PTPRG: variants seen among roughly 807,000 people sequenced by gnomAD.
PTPRG encodes receptor-type tyrosine-protein phosphatase gamma.
PTPRG carries 102 observed loss-of-function variants against 165.3 expected under a neutral mutation model. The ratio of observed to expected loss-of-function variants is 0.62; its 90% CI spans 0.53 to 0.73. The LOEUF is 0.73. PTPRG is among the 30% of genes least tolerant of loss of function. The pLI is 0.00. For synonymous variants in PTPRG, 675 were observed against 669.5 expected (o/e 1.01, Z -0.13); for missense variants, 1,866 against 1,861.4 (o/e 1.00, Z -0.05).
At chr3:62,095,015 T>G (rs1195551213) in intron 5 of PTPRG, among the ~76,000 whole-genome samples, 1 of 152,232 alleles carries the variant, frequency 6.6e-6, no homozygotes, top group African/African-American at 2.4e-5. Context: ...CATCATAATC[T>G]TCTCTCTGGC....
At chr3:61,917,884 A>G (rs2038981194) in intron 2 of PTPRG, among the ~76,000 whole-genome samples, 2 of 152,210 alleles carry the variant, frequency 1.3e-5, no homozygotes, top group African/African-American at 2.4e-5. Flanking sequence ...GTGAGCCGAG[A>G]TCACGCCGCT....
At chr3:61,691,311 A>G (rs1224112945) in intron 1 of PTPRG, among the ~76,000 whole-genome samples, 2 of 152,138 alleles carry the variant, frequency 1.3e-5, no homozygotes, top group Non-Finnish European at 2.9e-5. Flanking sequence ...GGAGGCTGAT[A>G]CAAGAGGATC....
At chr3:61,945,681 A>G (rs1451241144) in intron 2 of PTPRG, among the ~76,000 whole-genome samples, 1 of 152,180 alleles carries the variant, frequency 6.6e-6, no homozygotes. Flanking sequence ...GGGAGAGTAT[A>G]ATAGCAGGCT....
intron 14 of PTPRG, 105 bp downstream of exon 14, chr3:62,231,416 G>A: frequency 1.3e-6 from 1 of 769,246 alleles, no homozygotes; most frequent in Non-Finnish European, 1.9e-6. Flanking sequence ...AGATGGCACA[G>A]TGCTGAAACT....
At chr3:62,111,224 A>C (rs936118913) in intron 5 of PTPRG, among the ~76,000 whole-genome samples, 6 of 152,216 alleles carry the variant, frequency 3.9e-5, no homozygotes, top group Non-Finnish European at 8.8e-5. Flanking sequence ...ATCAACAGGC[A>C]GTGCCTGCGG....
intron 4 of PTPRG, among the ~76,000 whole-genome samples, chr3:62,047,853 G>A (rs1018100563): frequency 2.0e-5 from 3 of 151,970 alleles, no homozygotes; most frequent in Non-Finnish European, 2.9e-5. Flanking sequence ...CCCTCCCCCA[G>A]CCTTTTAAAA....
intron 4 of PTPRG, among the ~76,000 whole-genome samples, chr3:62,014,808 A>G (rs2041501826): frequency 6.6e-6 from 1 of 152,240 alleles, no homozygotes; most frequent in African/African-American, 2.4e-5. Flanking sequence ...ATACCTAAGC[A>G]TATATAGTCA....
chr3:61,860,308 C>G (rs1398686069), intron 2 of PTPRG, among the ~76,000 whole-genome samples: 1 of 152,070 alleles, frequency 6.6e-6, no homozygotes, highest in African/African-American at 2.4e-5. Flanking sequence ...GTCCTTTCAC[C>G]TATCACAGAC....
In PTPRG at chr3:62,243,744, AAAG is replaced by A. The variant is rs1371042498; in HGVS notation, c.2376-58_2376-56del. The A allele has an allele frequency of 4.8e-5, 51 of 1,054,766 alleles. No homozygotes were observed. The Middle Eastern group carries it at 6.3e-4, about 13-fold the overall frequency. The allele number at this position is 1,054,766 out of a possible 1,614,324, so 65.3% of individuals were successfully genotyped here. On this transcript the variant is annotated intron_variant, in intron 14 of 29. Transcript: ENST00000474889. ...GGGAAGATCTATAAAATAAGAATTA[AAAG>A]AAGATGAACTCAAATAAAGTATATT...
At position 62,214,210 on chromosome 3, in the gene PTPRG, G is replaced by A. The variant is rs892518267; in HGVS notation, c.2156-4641G>A. Among the ~76,000 whole-genome samples, 1 of 152,312 alleles carries A rather than the reference G, an allele frequency of 6.6e-6. No homozygotes were observed. Among genetic ancestry groups the A allele is most frequent in the African/African-American group, 2.4e-5 (1 of 41,580 alleles). Reference sequence around the variant, plus strand: ...ATGTTACAGAGAGGAGTCAGATTCAGCAAACACCCGGTGAGTGCTCACCAT... The same window carrying A: ...ATGTTACAGAGAGGAGTCAGATTCAACAAACACCCGGTGAGTGCTCACCAT... On this transcript the variant is annotated intron_variant, in intron 12 of 29. Coordinates refer to ENST00000474889, the MANE Select transcript of PTPRG (RefSeq NM_002841.4). The surrounding 1 kb of genome is among the most constrained non-coding windows in gnomAD (Gnocchi z 5.2).
intron 14 of PTPRG, among the ~76,000 whole-genome samples, chr3:62,238,424 C>G (rs1180883641): frequency 6.6e-6 from 1 of 151,990 alleles, no homozygotes; most frequent in Non-Finnish European, 1.5e-5. Flanking sequence ...TTCAGGATGT[C>G]GGAACATCAT....
intron 1 of PTPRG, among the ~76,000 whole-genome samples, chr3:61,620,629 T>TC (rs900848770): frequency 4.0e-4 from 60 of 151,340 alleles, no homozygotes; most frequent in Non-Finnish European, 7.2e-4. Context: ...AACAGTTACT[T>TC]TTTTTTTTCT....
At chr3:61,971,069 T>C (rs975203125) in intron 2 of PTPRG, among the ~76,000 whole-genome samples, 3 of 152,218 alleles carry the variant, frequency 2.0e-5, no homozygotes, top group Admixed American at 1.3e-4. Context: ...ATGTCTTTTT[T>C]TCTGAAACGG....
chr3:62,046,006 G>A (rs1422190598), intron 4 of PTPRG, among the ~76,000 whole-genome samples: 1 of 152,138 alleles, frequency 6.6e-6, no homozygotes, highest in Non-Finnish European at 1.5e-5. Context: ...ATCTCTCCAA[G>A]ATGTGTTCTG....
chr3:62,124,617 C>A, intron 5 of PTPRG: 1 of 152,178 alleles, frequency 6.6e-6, no homozygotes, highest in South Asian at 6.9e-5. Flanking sequence ...ATGCTGACCG[C>A]GAGGGAAGGT....
chr3:62,062,491 A>G (rs1700849832), intron 4 of PTPRG, among the ~76,000 whole-genome samples: 1 of 152,162 alleles, frequency 6.6e-6, no homozygotes, highest in Non-Finnish European at 1.5e-5. Flanking sequence ...ATATGAAACA[A>G]TAAGAAAATG....
At chr3:61,784,970 C>T (rs1193131244) in intron 2 of PTPRG, among the ~76,000 whole-genome samples, 1 of 152,062 alleles carries the variant, frequency 6.6e-6, no homozygotes. Flanking sequence ...TTTCCAAGTA[C>T]GAAGTGGCAC....
chr3:61,615,880 G>T (rs1192077294), intron 1 of PTPRG, among the ~76,000 whole-genome samples: 1 of 152,148 alleles, frequency 6.6e-6, no homozygotes, highest in East Asian at 1.9e-4. Context: ...CCTGGCTCTG[G>T]ATTTGGCCAA....
intron 13 of PTPRG, among the ~76,000 whole-genome samples, chr3:62,225,967 T>C (rs930085459): frequency 1.3e-5 from 2 of 152,166 alleles, no homozygotes; most frequent in Admixed American, 1.3e-4. Flanking sequence ...CAAAGAACCT[T>C]TTATGACTAT....
Sources: gnomAD v4.1 joint callset for allele counts (sites outside exome capture counted in the v4.1 genomes callset) on GRCh38, gnomAD v4.1.1 for gene constraint, Gnocchi (gnomAD v3.1) non-coding constraint, MANE v1.5 for transcripts, NCBI Gene and HGNC (gene_info 2026-07-23, HGNC 2026-07-21) for gene names.